The following CDK5RAP2 variants were observed in gnomAD, a reference collection of about 807,000 sequenced individuals.
The protein encoded by CDK5RAP2 is CDK5 regulatory subunit associated protein 2, also known as CDK5 regulatory subunit-associated protein 2.
A neutral mutation model predicts 232.9 loss-of-function variants in CDK5RAP2; 147 were observed. The observed-to-expected ratio is 0.63, with a 90% confidence interval of 0.55 to 0.72. CDK5RAP2 has a LOEUF of 0.72. CDK5RAP2 is among the 30% of genes least tolerant of loss of function. The pLI is 0.00. For missense variants in CDK5RAP2, 2,195 were observed against 2,231.5 expected, an observed-to-expected ratio of 0.98 and a Z score of 0.33; for synonymous variants, 833 against 833.7, an observed-to-expected ratio of 1.00 and a Z score of 0.01.
chr9:120,563,744 C>T (rs1216056212), intron 3 of CDK5RAP2, among the ~76,000 whole-genome samples: 1 of 152,182 alleles, frequency 6.6e-6, no homozygotes, highest in African/African-American at 2.4e-5. Flanking sequence ...CGGGGCCATA[C>T]AAGTGGGGCA....
intron 20 of CDK5RAP2, among the ~76,000 whole-genome samples, chr9:120,455,402 G>T (rs2036711146): frequency 1.3e-5 from 2 of 150,138 alleles, no homozygotes; most frequent in African/African-American, 4.9e-5. Context: ...GAAGGCCACT[G>T]AAAGGCCCTG....
chr9:120,460,628 C>G lies in CDK5RAP2; in HGVS notation c.2146G>C (p.Gly716Arg). Reference sequence around the variant, plus strand: ...AGGAAATTAATCTCGTCATCCTCCCCAATTTTGATCGTGTCCTCGTCCTCC... The same window carrying G: ...AGGAAATTAATCTCGTCATCCTCCCGAATTTTGATCGTGTCCTCGTCCTCC... ...SKEDEDTIKI[G>R]EDDEINFLSD... The change falls in exon 19 of 38, where the codon GGG becomes CGG. Residue 716 changes from glycine (G) to arginine (R), a missense_variant. Physicochemically the swap from Gly to Arg is moderately radical, Grantham distance 125. Transcript: ENST00000349780. 1 of 1,614,168 alleles carries G rather than the reference C, an allele frequency of 6.2e-7. No individual in the cohort carries two copies. The highest frequency in any genetic ancestry group is 8.5e-7 in the Non-Finnish European group (1 of 1,180,028).
At chr9:120,414,701 G>T (rs1335952964) in intron 28 of CDK5RAP2, among the ~76,000 whole-genome samples, 1 of 152,190 alleles carries the variant, frequency 6.6e-6, no homozygotes, top group Non-Finnish European at 1.5e-5. Context: ...ACTCTATTCG[G>T]AGCTAACTGT....
chr9:120,427,091 C>T (rs1564201291), intron 25 of CDK5RAP2, among the ~76,000 whole-genome samples: 1 of 152,116 alleles, frequency 6.6e-6, no homozygotes, highest in East Asian at 1.9e-4. Context: ...CCTGAGCTCC[C>T]CCTATTTGTC....
chr9:120,535,736 C>T (rs78803250), intron 7 of CDK5RAP2, among the ~76,000 whole-genome samples: 2,097 of 152,210 alleles, frequency 0.014, 49 homozygotes, highest in African/African-American at 0.047. Context: ...CTAAAGACTG[C>T]CTAAAGGACA....
Position 120,403,139 on chromosome 9 carries a change from G to T in CDK5RAP2, c.5042-68C>A, listed in dbSNP as rs2033180449. The T allele has an allele frequency of 5.2e-6, 8 of 1,541,692 alleles. No individual in the cohort carries two copies. The highest frequency in any genetic ancestry group is 7.2e-6 in the Non-Finnish European group (8 of 1,116,592). ...ACTCTGCGTTCAAGACGCTTATGAT[G>T]TTGAAGCTAGCTAGGAGGGCTAGAA... On this transcript the variant is annotated intron_variant, in intron 33 of 37. Coordinates refer to ENST00000349780, the MANE Select transcript of CDK5RAP2 (RefSeq NM_018249.6). This position sits in a 1 kb window ranked among gnomAD's most constrained non-coding sequence, Gnocchi z 4.2.
intron 16 of CDK5RAP2, 127 bp downstream of exon 16, chr9:120,471,621 A>T (rs2037708316): frequency 7.4e-7 from 1 of 1,357,010 alleles, no homozygotes; most frequent in African/African-American, 1.4e-5. Context: ...GTCACCACAA[A>T]AAGGATCTCC....
At chr9:120,577,750 G>A (rs1165770559) in intron 1 of CDK5RAP2, among the ~76,000 whole-genome samples, 1 of 152,090 alleles carries the variant, frequency 6.6e-6, no homozygotes, top group African/African-American at 2.4e-5. Context: ...TAAACACTGA[G>A]GCTCACAGAT....
chr9:120,571,885 CCA>C, intron 2 of CDK5RAP2, 87 bp downstream of exon 2: 1 of 1,055,188 alleles, frequency 9.5e-7, no homozygotes, highest in Non-Finnish European at 1.5e-6. Flanking sequence ...CCTCTGGGCC[CCA>C]GAGATATGAA....
intron 5 of CDK5RAP2, among the ~76,000 whole-genome samples, chr9:120,541,720 C>T (rs141589686): frequency 6.6e-6 from 1 of 152,214 alleles, no homozygotes; most frequent in Non-Finnish European, 1.5e-5. Context: ...GGTTTTCTCT[C>T]CACTCAAATG....
rs76460441 is a variant in CDK5RAP2, at chr9:120,408,986, G to A, written c.4604+141C>T. The A allele has an allele frequency of 8.3e-4, 639 of 767,192 alleles. 2 individuals are homozygous for A. In the African/African-American group the frequency reaches 9.4e-3, roughly 11 times the overall value. 47.5% of individuals were successfully genotyped at this position (767,192 alleles called of 1,614,324 possible). ...GGATCTTTCTCCATATGTTGTAGGCGCACCAGACGTACAATGTGTTTGTGT... is the reference window on the plus strand; with the variant it reads ...GGATCTTTCTCCATATGTTGTAGGCACACCAGACGTACAATGTGTTTGTGT... On this transcript the variant is annotated intron_variant, in intron 30 of 37. Coordinates refer to ENST00000349780, the MANE Select transcript of CDK5RAP2 (RefSeq NM_018249.6).
Position 120,524,985 on chromosome 9 carries a change from C to G in CDK5RAP2, c.1092+1G>C. 6.2e-7 allele frequency: 1 copy of G among 1,611,502 alleles called. No individual in the cohort carries two copies. On this transcript the variant is annotated splice_donor_variant, in intron 11 of 37. Transcript: ENST00000349780. LOFTEE classifies it high-confidence loss of function. ...GCCACTTAAGCCAAGTGTACACTTACCTGAAATTCCTGGGTCTGTGCTTTC... is the reference window on the plus strand; with the variant it reads ...GCCACTTAAGCCAAGTGTACACTTAGCTGAAATTCCTGGGTCTGTGCTTTC...
chr9:120,435,470 T>TAC (rs55654634), intron 25 of CDK5RAP2, among the ~76,000 whole-genome samples: 26,178 of 147,240 alleles, frequency 0.18, 2,523 homozygotes, highest in East Asian at 0.37. Flanking sequence ...ATTACACATT[T>TAC]ACACACACAC....
At chr9:120,418,587 C>T (rs896621555) in intron 27 of CDK5RAP2, among the ~76,000 whole-genome samples, 1 of 152,104 alleles carries the variant, frequency 6.6e-6, no homozygotes, top group African/African-American at 2.4e-5. Flanking sequence ...GGAAACAATT[C>T]GTGGTGTGAC....
intron 30 of CDK5RAP2, 94 bp downstream of exon 30, chr9:120,409,033 T>G: frequency 8.4e-7 from 1 of 1,194,994 alleles, no homozygotes; most frequent in Non-Finnish European, 1.2e-6. Context: ...CACTGTGCAC[T>G]AAGGCAGAGG....
rs779830638 is a variant in CDK5RAP2, at chr9:120,422,677, A to G, written c.4004+16T>C. ...AAAGTCCTGGGAAGTCTTCTTAACAAATGTTACACACTCACCTCTCCATCA... is the reference window on the plus strand; with the variant it reads ...AAAGTCCTGGGAAGTCTTCTTAACAGATGTTACACACTCACCTCTCCATCA... On this transcript the variant is annotated intron_variant, in intron 26 of 37. Transcript: ENST00000349780. 3.9e-5 allele frequency: 63 copies of G among 1,603,632 alleles called. No individual in the cohort carries two copies. The highest frequency in any genetic ancestry group is 5.0e-5 in the Non-Finnish European group (58 of 1,170,534).
At chr9:120,390,205 G>C (rs1277453583) in intron 36 of CDK5RAP2, 1 of 190,260 alleles carries the variant, frequency 5.3e-6, no homozygotes, top group South Asian at 1.2e-4. Context: ...GGCCCTCTGG[G>C]AAGCAGCTGT....
chr9:120,504,393 C>G (rs753138694), intron 12 of CDK5RAP2, among the ~76,000 whole-genome samples: 2 of 152,174 alleles, frequency 1.3e-5, no homozygotes, highest in Non-Finnish European at 2.9e-5. Flanking sequence ...CCAAAATATC[C>G]TGAACTCTCA....
At chr9:120,496,659 G>A (rs1203315372) in intron 12 of CDK5RAP2, among the ~76,000 whole-genome samples, 2 of 143,070 alleles carry the variant, frequency 1.4e-5, no homozygotes, top group South Asian at 2.2e-4. Flanking sequence ...CCCTCTGCCC[G>A]GCCAGCCGCC....
Sources: allele counts gnomAD v4.1 joint callset (sites outside exome capture counted in the v4.1 genomes callset), GRCh38; gene constraint gnomAD v4.1.1; non-coding constraint Gnocchi (gnomAD v3.1); transcripts MANE v1.5; gene names NCBI Gene and HGNC (gene_info 2026-07-23, HGNC 2026-07-21).